The following DDR2 variants were observed in gnomAD, a reference collection of about 807,000 sequenced individuals.
The protein encoded by DDR2 is discoidin domain receptor tyrosine kinase 2.
Under a neutral mutation model 94.9 loss-of-function variants are expected in DDR2, and 27 were observed. The ratio of observed to expected loss-of-function variants is 0.28; its 90% CI spans 0.21 to 0.39. DDR2 has a LOEUF of 0.39. DDR2 is among the 10% of genes least tolerant of loss of function. DDR2 has a pLI of 1.00. For synonymous variants in DDR2, 382 were observed against 377.2 expected, an observed-to-expected ratio of 1.01 and a Z score of -0.15; for missense variants, 783 against 1,076.0, an observed-to-expected ratio of 0.73 and a Z score of 3.81.
At chr1:162,681,292 A>G (rs1458574538) in intron 2 of DDR2, among the ~76,000 whole-genome samples, 1 of 152,166 alleles carries the variant, frequency 6.6e-6, no homozygotes, top group African/African-American at 2.4e-5. Context: ...GGGTTACACA[A>G]TCTACAATTG....
chr1:162,779,520 C>T (rs535960573), intron 17 of DDR2, among the ~76,000 whole-genome samples: 1 of 151,970 alleles, frequency 6.6e-6, no homozygotes, highest in South Asian at 2.1e-4. Flanking sequence ...TCCAAGCAAG[C>T]CAAAGATAGA....
intron 3 of DDR2, among the ~76,000 whole-genome samples, chr1:162,747,868 T>A (rs1662963254): frequency 6.6e-6 from 1 of 152,162 alleles, no homozygotes; most frequent in Admixed American, 6.5e-5. Context: ...AGAAAAGAAT[T>A]TTTAACCCAG....
chr1:162,678,804 C>T (rs1324016696), intron 2 of DDR2, among the ~76,000 whole-genome samples: 2 of 152,194 alleles, frequency 1.3e-5, no homozygotes, highest in Admixed American at 6.5e-5. Flanking sequence ...ACTGCCCAGC[C>T]ACTGAACTCC....
In DDR2 at chr1:162,749,452, C is replaced by T. The variant is rs539572756; in HGVS notation, c.83-3643C>T. Among the ~76,000 whole-genome samples the T allele has an allele frequency of 2.0e-5, 3 of 152,232 alleles. No homozygotes were observed. In the South Asian group the frequency reaches 6.2e-4, roughly 32 times the overall value. ...ACATATACACCCTCCCAAGACTAAA[C>T]CAGGAAGAAGTCGAATCCCTGAATA... On this transcript the variant is annotated intron_variant, in intron 3 of 17. Coordinates refer to ENST00000367921, the MANE Select transcript of DDR2 (RefSeq NM_006182.4).
intron 1 of DDR2, among the ~76,000 whole-genome samples, chr1:162,640,751 T>G (rs1192984519): frequency 6.6e-6 from 1 of 152,176 alleles, no homozygotes; most frequent in Non-Finnish European, 1.5e-5. Context: ...TTCAAAATCT[T>G]GAAAAAGACT....
chr1:162,655,155 AG>A (rs1190695131), intron 1 of DDR2, 55 bp from the exon 2 acceptor site: 2 of 152,174 alleles, frequency 1.3e-5, no homozygotes, highest in African/African-American at 4.8e-5. Context: ...CAAAGAGGAA[AG>A]AAATGTGAAT....
Position 162,754,929 on chromosome 1 carries a change from A to G in DDR2, c.417+74A>G. The stretch of plus-strand genomic sequence containing the variant: ...ACTTAGGCTAGGAGAAGAAGGGTAC[A>G]GGTTTTCTGTGTGGATATGTGTGTC... On this transcript the variant is annotated intron_variant, in intron 5 of 17. Transcript: ENST00000367921. The G allele has an allele frequency of 5.1e-6, 8 of 1,572,864 alleles. No individual in the cohort carries two copies. In the South Asian group the frequency reaches 9.0e-5, roughly 18 times the overall value.
intron 2 of DDR2, among the ~76,000 whole-genome samples, chr1:162,706,340 T>C (rs531764671): frequency 6.6e-6 from 1 of 152,268 alleles, no homozygotes; most frequent in South Asian, 2.1e-4. Flanking sequence ...GAGACAGACA[T>C]GCATAAAGAT....
At chr1:162,755,530 C>T in intron 6 of DDR2, 134 bp from the exon 7 acceptor site, 2 of 1,058,678 alleles carry the variant, frequency 1.9e-6, no homozygotes, top group South Asian at 2.6e-5. Flanking sequence ...GGCACTCCTC[C>T]AAAGTCTTCC....
In DDR2 at chr1:162,772,035, G is replaced by A. The variant is rs1318420032; in HGVS notation, c.1516G>A (p.Val506Ile). 12 of 1,608,498 alleles carry A rather than the reference G, an allele frequency of 7.5e-6. No homozygotes were observed. Among genetic ancestry groups the A allele is most frequent in the South Asian group, 1.1e-5 (1 of 89,974 alleles). ...CCTTGTCTTCCCAGGCTGCAGCGGT[G>A]TTGTGAAGCCAGTCCAGCCCAGTGG... The part of the protein sequence containing the change: ...PGEEESGCSG[V>I]VKPVQPSGPE... Residue 506 changes from valine (V) to isoleucine (I), a missense_variant, in exon 13 of 18, where the codon GTT (valine) becomes ATT (isoleucine). Transcript: ENST00000367921.
intron 2 of DDR2, among the ~76,000 whole-genome samples, chr1:162,712,779 T>G (rs10799869): frequency 0.98 from 148,612 of 152,288 alleles, 72,616 homozygotes; most frequent in East Asian, 1. Flanking sequence ...TGGGCTGTGG[T>G]CCTAGAAACA....
chr1:162,733,004 C>T (rs1270890896), intron 3 of DDR2, among the ~76,000 whole-genome samples: 1 of 152,250 alleles, frequency 6.6e-6, no homozygotes, highest in Non-Finnish European at 1.5e-5. Context: ...TAGTTTTCCA[C>T]TCTGGGAAAC....
In DDR2 at chr1:162,786,669, C is replaced by T. The variant is rs1320173716; in HGVS notation, c.*6423C>T. 1 of 152,202 alleles carries T rather than the reference C, an allele frequency of 6.6e-6. No homozygotes were observed. Among genetic ancestry groups the T allele is most frequent in the Non-Finnish European group, 1.5e-5 (1 of 68,062 alleles). The allele number at this position is 152,202 out of a possible 1,614,324, so 9.4% of individuals were successfully genotyped here. A position where few individuals can be genotyped will look rare whatever the true frequency, so the allele number is the denominator to read the frequency against. On this transcript the variant is annotated 3_prime_UTR_variant, in exon 18 of 18. Transcript: ENST00000367921. ...TCCTGGGGAAGTGATGGGGCATGGG[C>T]CCAGAGCTGGGGTGTATGTGGTATG...
chr1:162,640,762 A>C (rs887568935), intron 1 of DDR2, among the ~76,000 whole-genome samples: 1 of 152,184 alleles, frequency 6.6e-6, no homozygotes, highest in Non-Finnish European at 1.5e-5. Context: ...GAAAAAGACT[A>C]ATTCAATAGG....
At chr1:162,779,466 A>T (rs1456317783) in intron 17 of DDR2, among the ~76,000 whole-genome samples, 1 of 152,202 alleles carries the variant, frequency 6.6e-6, no homozygotes, top group Non-Finnish European at 1.5e-5. Context: ...TGGGGGAAGG[A>T]TCTTGCAGAC....
At chr1:162,778,376 T>G (rs1647707031) in intron 16 of DDR2, among the ~76,000 whole-genome samples, 1 of 152,164 alleles carries the variant, frequency 6.6e-6, no homozygotes, top group East Asian at 1.9e-4. Context: ...AGCTCTTGGA[T>G]CTCATCCCCA....
intron 2 of DDR2, among the ~76,000 whole-genome samples, chr1:162,657,001 C>G (rs7415775): frequency 0.83 from 125,761 of 151,372 alleles, 52,903 homozygotes; most frequent in Middle Eastern, 0.93. Flanking sequence ...CAGGCACACG[C>G]CACCACTTTG....
At chr1:162,732,839 C>T (rs1662124206) in intron 3 of DDR2, among the ~76,000 whole-genome samples, 1 of 152,204 alleles carries the variant, frequency 6.6e-6, no homozygotes, top group South Asian at 2.1e-4. Context: ...AACAAGCAGC[C>T]CTTTCAGGCT....
chr1:162,656,317 ATGAG>A lies in DDR2; in HGVS notation c.-28+949_-28+952del, dbSNP rs775158982. 2.2e-4 allele frequency among the ~76,000 whole-genome samples: 34 copies of A among 152,314 alleles called. No homozygotes were observed. The South Asian group carries it at 6.4e-3, about 29-fold the overall frequency. ...TCTGGAATGAGTGCTGAATGAATGA[ATGAG>A]TGAGTAAATAATGTGAATGATTATT... On this transcript the variant is annotated intron_variant, in intron 2 of 17. Coordinates refer to ENST00000367921, the MANE Select transcript of DDR2 (RefSeq NM_006182.4).
Sources: allele counts gnomAD v4.1 joint callset (sites outside exome capture counted in the v4.1 genomes callset), GRCh38; gene constraint gnomAD v4.1.1; transcripts MANE v1.5; gene names NCBI Gene and HGNC (gene_info 2026-07-23, HGNC 2026-07-21).